The following ZNF248 variants were observed in gnomAD, a reference collection of about 807,000 sequenced individuals.
ZNF248 encodes the protein zinc finger protein 248.
ZNF248 carries 20 observed loss-of-function variants against 44.3 expected under a neutral mutation model. The observed-to-expected ratio is 0.45, with a 90% CI of 0.32 to 0.66. The LOEUF (loss-of-function observed/expected upper bound fraction) is 0.66. Among genes scored for constraint, ZNF248 ranks in the 30% least tolerant of loss-of-function variants. The pLI is 0.04. For missense variants in ZNF248, 654 were observed against 677.0 expected (o/e 0.97, Z 0.38); for synonymous variants, 224 against 229.0 (o/e 0.98, Z 0.20).
chr10:37,794,040 T>TA (rs1034525047), intron 6 of ZNF248, among the ~76,000 whole-genome samples: 5 of 152,218 alleles, frequency 3.3e-5, no homozygotes, highest in African/African-American at 1.2e-4. Context: ...AGGTTTTTTT[T>TA]ATTGATTTGT....
chr10:37,837,792 C>G, intron 4 of ZNF248, 80 bp from the exon 5 acceptor site: 1 of 1,417,376 alleles, frequency 7.1e-7, no homozygotes, highest in African/African-American at 1.4e-5. Flanking sequence ...GGAAGAAAGG[C>G]ACAGCTTCAC....
chr10:37,810,414 C>T (rs2051303652), intron 6 of ZNF248, among the ~76,000 whole-genome samples: 2 of 152,158 alleles, frequency 1.3e-5, no homozygotes, highest in Admixed American at 1.3e-4. Context: ...ATTTTATTAA[C>T]ATACAATATC....
downstream of ZNF248, among the ~76,000 whole-genome samples, chr10:37,825,144 AG>A (rs1360466449): frequency 6.6e-6 from 1 of 152,158 alleles, no homozygotes; most frequent in Non-Finnish European, 1.5e-5. Flanking sequence ...TCCTCTAAAA[AG>A]GTAAACTATA....
chr10:37,820,399 G>A, intron 6 of ZNF248: 10 of 1,501,930 alleles, frequency 6.7e-6, no homozygotes, highest in East Asian at 2.3e-5. Context: ...GCTGACATGA[G>A]GCTGTTGGCA....
chr10:37,835,338 T>C (rs2056921915), intron 5 of ZNF248, among the ~76,000 whole-genome samples: 1 of 152,220 alleles, frequency 6.6e-6, no homozygotes, highest in Non-Finnish European at 1.5e-5. Flanking sequence ...AGTACGGTGA[T>C]GCCATGGTTG....
intron 3 of ZNF248, among the ~76,000 whole-genome samples, chr10:37,851,787 A>AC (rs2060288189): frequency 6.6e-6 from 1 of 150,488 alleles, no homozygotes; most frequent in East Asian, 1.9e-4. Flanking sequence ...AAAAAAAAAA[A>AC]AAAAAAACCA....
chr10:37,828,403 T>C (rs2054747518), downstream of ZNF248, among the ~76,000 whole-genome samples: 1 of 152,220 alleles, frequency 6.6e-6, no homozygotes, highest in Non-Finnish European at 1.5e-5. Flanking sequence ...GGACTGACTT[T>C]CAATAGATTA....
chr10:37,854,812 A>C (rs1333333697), intron 3 of ZNF248, among the ~76,000 whole-genome samples: 3 of 152,232 alleles, frequency 2.0e-5, no homozygotes, highest in Non-Finnish European at 4.4e-5. Flanking sequence ...TTACTAGGCA[A>C]TTGTGACAAA....
chr10:37,825,409 A>G (rs778224721), downstream of ZNF248, among the ~76,000 whole-genome samples: 2 of 152,198 alleles, frequency 1.3e-5, no homozygotes, highest in Non-Finnish European at 2.9e-5. Context: ...AACAGCACCC[A>G]CTGTGACAAT....
chr10:37,846,301 C>T (rs1148285), intron 3 of ZNF248, among the ~76,000 whole-genome samples: 1 of 152,104 alleles, frequency 6.6e-6, no homozygotes, highest in African/African-American at 2.4e-5. Flanking sequence ...TAATGAATTA[C>T]TAAATTTAGA....
chr10:37,854,361 A>T (rs947573467), intron 3 of ZNF248, among the ~76,000 whole-genome samples: 26 of 152,356 alleles, frequency 1.7e-4, no homozygotes, highest in African/African-American at 6.3e-4. Context: ...ACAAGGGTAA[A>T]AGACACTGGG....
chr10:37,849,798 T>A lies in ZNF248; in HGVS notation c.15+6498A>T, dbSNP rs183787107. ...ATATAAAGAAGTTCAGGGGGCCGGA[T>A]GCAGTGGTTCACGCCTGTAATCCCA... On this transcript the variant is annotated intron_variant, in intron 3 of 5. Coordinates refer to ENST00000395867, the MANE Select transcript of ZNF248 (RefSeq NM_021045.3). 1.8e-4 allele frequency among the ~76,000 whole-genome samples: 27 copies of A among 151,442 alleles called. No individual in the cohort carries two copies. The East Asian group carries it at 5.3e-3, about 30-fold the overall frequency.
intron 6 of ZNF248, among the ~76,000 whole-genome samples, chr10:37,809,363 C>T (rs2051136453): frequency 6.6e-6 from 1 of 152,132 alleles, no homozygotes; most frequent in Non-Finnish European, 1.5e-5. Flanking sequence ...CTACAGCCTC[C>T]ACCTCCCAGG....
At position 37,830,969 on chromosome 10, in the gene ZNF248, T is replaced by G. The variant is rs2055462363; in HGVS notation, c.*646A>C. On this transcript the variant is annotated 3_prime_UTR_variant, in exon 6 of 6. Coordinates refer to ENST00000395867, the MANE Select transcript of ZNF248 (RefSeq NM_021045.3). ...TCCTTAAAATTTAACAATCAGAACT[T>G]TTAAGTCAGTATGAGGTTATACTAG... 1.9e-6 allele frequency: 1 copy of G among 533,166 alleles called. No individual in the cohort carries two copies. Among genetic ancestry groups the G allele is most frequent in the African/African-American group, 2.0e-5 (1 of 49,876 alleles). The allele number at this position is 533,166 out of a possible 1,614,324, so 33.0% of individuals were successfully genotyped here. A position where few individuals can be genotyped will look rare whatever the true frequency, so the allele number is the denominator to read the frequency against.
chr10:37,769,268 T>A, the ZNF248 span, among the ~76,000 whole-genome samples: 1 of 152,138 alleles, frequency 6.6e-6, no homozygotes, highest in Non-Finnish European at 1.5e-5. Flanking sequence ...CCTAACTCAT[T>A]TTATGAGGCC....
intron 6 of ZNF248, among the ~76,000 whole-genome samples, chr10:37,809,886 G>T (rs572172057): frequency 6.6e-6 from 1 of 151,904 alleles, no homozygotes; most frequent in Non-Finnish European, 1.5e-5. Flanking sequence ...TACTGTTGTG[G>T]TCGTAGAATA....
At chr10:37,820,016 G>T in intron 6 of ZNF248, 2 of 784,556 alleles carry the variant, frequency 2.5e-6, no homozygotes, top group South Asian at 1.4e-5. Context: ...TTCTCTTTTT[G>T]ACTTTTCTAT....
intron 3 of ZNF248, among the ~76,000 whole-genome samples, chr10:37,844,713 C>T (rs1456107495): frequency 6.6e-6 from 1 of 151,768 alleles, no homozygotes; most frequent in Admixed American, 6.6e-5. Flanking sequence ...ATGGTAAACA[C>T]CAACAAAATA....
At chr10:37,796,340 C>T (rs997651866) in intron 6 of ZNF248, among the ~76,000 whole-genome samples, 14 of 151,224 alleles carry the variant, frequency 9.3e-5, no homozygotes, top group African/African-American at 3.2e-4. Flanking sequence ...CTCAGCCTCC[C>T]GGGTAGCTGG....
Sources: gnomAD v4.1 joint callset for allele counts (sites outside exome capture counted in the v4.1 genomes callset) on GRCh38, gnomAD v4.1.1 for gene constraint, MANE v1.5 for transcripts, NCBI Gene and HGNC (gene_info 2026-07-23, HGNC 2026-07-21) for gene names.